NAV2: variants seen among roughly 807,000 people sequenced by gnomAD.
NAV2 encodes the protein neuron navigator 2.
In NAV2, 54 loss-of-function variants were observed where a neutral mutation model predicts 223.2. The ratio of observed to expected loss-of-function variants is 0.24; its 90% CI spans 0.19 to 0.30. The LOEUF is 0.30. NAV2 is among the 10% of genes least tolerant of loss of function. The probability of loss-of-function intolerance (pLI) is 1.00; values close to 1 mark genes in which losing one functional copy is unlikely to be tolerated. For missense variants in NAV2, 2,806 were observed against 3,147.5 expected (o/e 0.89, Z 2.60); for synonymous variants, 1,279 against 1,239.3 (o/e 1.03, Z -0.67).
intron 1 of NAV2, among the ~76,000 whole-genome samples, chr11:19,642,994 A>G (rs1047611787): frequency 2.0e-5 from 3 of 152,158 alleles, no homozygotes; most frequent in South Asian, 2.1e-4. Context: ...GCTTTTGCTT[A>G]TTTTCACTAA....
intron 1 of NAV2, among the ~76,000 whole-genome samples, chr11:19,483,171 T>A (rs531180581): frequency 1.8e-4 from 28 of 152,334 alleles, no homozygotes; most frequent in South Asian, 6.2e-4. Context: ...AGCCCCCCAC[T>A]TATCCATGGT....
chr11:19,748,958 G>A (rs2053588720), intron 1 of NAV2, among the ~76,000 whole-genome samples: 1 of 152,220 alleles, frequency 6.6e-6, no homozygotes. Flanking sequence ...CAAAAGCCAG[G>A]GTTAAAACTT....
intron 1 of NAV2, among the ~76,000 whole-genome samples, chr11:19,388,237 A>T (rs1351119920): frequency 6.6e-5 from 10 of 152,248 alleles, no homozygotes; most frequent in African/African-American, 2.2e-4. Context: ...TACAGTGCAC[A>T]TTGGAGTTCC....
intron 1 of NAV2, among the ~76,000 whole-genome samples, chr11:19,796,546 T>C (rs1225911027): frequency 6.6e-6 from 1 of 152,138 alleles, no homozygotes; most frequent in African/African-American, 2.4e-5. Context: ...CTAGTAATCT[T>C]CCTCCCTGAC....
intron 1 of NAV2, among the ~76,000 whole-genome samples, chr11:19,467,463 G>T (rs537290769): frequency 1.3e-5 from 2 of 152,158 alleles, no homozygotes; most frequent in Non-Finnish European, 2.9e-5. Context: ...AAAATCACTC[G>T]TGGTGTTCGC....
chr11:19,395,000 G>A (rs1376885218), intron 1 of NAV2, among the ~76,000 whole-genome samples: 5 of 152,218 alleles, frequency 3.3e-5, no homozygotes, highest in Admixed American at 1.3e-4. Flanking sequence ...GTCAGAGGCA[G>A]GCCTTTTTCA....
intron 22 of NAV2, among the ~76,000 whole-genome samples, chr11:20,069,650 G>T (rs11822324): frequency 0.053 from 8,107 of 152,174 alleles, 708 homozygotes; most frequent in African/African-American, 0.18. Context: ...CTGAGGCAAG[G>T]CTTGCTGCCC....
intron 5 of NAV2, among the ~76,000 whole-genome samples, chr11:19,880,753 A>G (rs1476798967): frequency 6.6e-6 from 1 of 152,194 alleles, no homozygotes; most frequent in Non-Finnish European, 1.5e-5. Flanking sequence ...TTTGCCAGTC[A>G]TACTCACCAG....
chr11:19,426,854 A>C (rs1355896196), intron 1 of NAV2, among the ~76,000 whole-genome samples: 1 of 152,182 alleles, frequency 6.6e-6, no homozygotes, highest in Non-Finnish European at 1.5e-5. Context: ...AGTGTGAAGA[A>C]TCTTCATACT....
At chr11:19,884,198 C>T in intron 5 of NAV2, 1 of 856,138 alleles carries the variant, frequency 1.2e-6, no homozygotes, top group Non-Finnish European at 1.9e-6. Flanking sequence ...GAAACAGCAA[C>T]ATCCCCATTG....
intron 1 of NAV2, among the ~76,000 whole-genome samples, chr11:19,637,348 C>T (rs1003098646): frequency 2.0e-5 from 3 of 152,178 alleles, no homozygotes; most frequent in Admixed American, 1.3e-4. Context: ...ATCTTGCCTC[C>T]ACCTTCAATC....
intron 1 of NAV2, among the ~76,000 whole-genome samples, chr11:19,643,162 T>G (rs2047713241): frequency 6.6e-6 from 1 of 152,086 alleles, no homozygotes; most frequent in African/African-American, 2.4e-5. Flanking sequence ...TTGCTCTTCT[T>G]TTTTAAAATT....
intron 2 of NAV2, among the ~76,000 whole-genome samples, 165 bp downstream of exon 2, chr11:19,832,766 T>C (rs1444152726): frequency 6.6e-6 from 1 of 152,226 alleles, no homozygotes; most frequent in Admixed American, 6.5e-5. Context: ...GAGTACCAGC[T>C]TGATTTTATG....
At chr11:19,811,279 G>C (rs2058823731) in intron 1 of NAV2, among the ~76,000 whole-genome samples, 1 of 152,142 alleles carries the variant, frequency 6.6e-6, no homozygotes, top group Non-Finnish European at 1.5e-5. Context: ...TACTGGACTG[G>C]ATGGAGCTGT....
chr11:20,118,378 A>C lies in NAV2; in HGVS notation c.*120A>C. 5 of 1,191,158 alleles carry C rather than the reference A, an allele frequency of 4.2e-6. No homozygotes were observed. The highest frequency in any genetic ancestry group is 2.1e-5 in the Admixed American group (1 of 47,914). 73.8% of individuals were successfully genotyped at this position (1,191,158 alleles called of 1,614,324 possible). A position where few individuals can be genotyped will look rare whatever the true frequency, so the allele number is the denominator to read the frequency against. On this transcript the variant is annotated 3_prime_UTR_variant, in exon 38 of 38. Transcript: ENST00000349880. ...CAGCCACAGCCTTAGAGCTGCGGGAACACCGAGACCCCCCGTCCTTCAGCC... is the reference window on the plus strand; with the variant it reads ...CAGCCACAGCCTTAGAGCTGCGGGACCACCGAGACCCCCCGTCCTTCAGCC...
intron 1 of NAV2, among the ~76,000 whole-genome samples, chr11:19,354,646 A>C (rs1853511521): frequency 6.6e-6 from 1 of 152,230 alleles, no homozygotes; most frequent in African/African-American, 2.4e-5. Context: ...AAAGTTTACA[A>C]ATCAATGAAG....
upstream of NAV2, among the ~76,000 whole-genome samples, chr11:19,709,752 T>G (rs1318103935): frequency 6.6e-6 from 1 of 151,426 alleles, no homozygotes; most frequent in Non-Finnish European, 1.5e-5. Context: ...GCCATTGCAC[T>G]CCAGCTTCCA....
chr11:19,764,362 G>T (rs1369908433), intron 1 of NAV2, among the ~76,000 whole-genome samples: 1 of 152,122 alleles, frequency 6.6e-6, no homozygotes, highest in African/African-American at 2.4e-5. Flanking sequence ...TATTGTCCCT[G>T]GTCTGTAGAA....
At chr11:19,909,889 A>ATATAAATAAC (rs2153219574) in intron 6 of NAV2, among the ~76,000 whole-genome samples, 1 of 152,278 alleles carries the variant, frequency 6.6e-6, no homozygotes, top group South Asian at 2.1e-4. Flanking sequence ...TTATAAAGTT[A>ATATAAATAAC]TTTATAAGGC....
Sources: allele counts gnomAD v4.1 joint callset (sites outside exome capture counted in the v4.1 genomes callset), GRCh38; gene constraint gnomAD v4.1.1; transcripts MANE v1.5; gene names NCBI Gene and HGNC (gene_info 2026-07-23, HGNC 2026-07-21).